PARD3: variants seen among roughly 807,000 people sequenced by gnomAD.
The protein encoded by PARD3 is par-3 family cell polarity regulator.
PARD3 carries 75 observed loss-of-function variants against 155.4 expected under a neutral mutation model. The observed-to-expected ratio is 0.48, with a 90% confidence interval of 0.40 to 0.58. The LOEUF (loss-of-function observed/expected upper bound fraction) is 0.58. PARD3 is among the 20% of genes least tolerant of loss of function. PARD3 has a pLI of 0.00. For synonymous variants in PARD3, 576 were observed against 610.5 expected (o/e 0.94, Z 0.83); for missense variants, 1,642 against 1,721.7 (o/e 0.95, Z 0.82).
intron 14 of PARD3, among the ~76,000 whole-genome samples, chr10:34,356,760 T>C (rs1438441375): frequency 3.7e-4 from 57 of 152,240 alleles, no homozygotes; most frequent in Non-Finnish European, 5.9e-5. Context: ...TCATGTCTTA[T>C]ACCTTACTGG....
At chr10:34,393,607 T>C (rs1298408587) in intron 7 of PARD3, among the ~76,000 whole-genome samples, 2 of 151,140 alleles carry the variant, frequency 1.3e-5, no homozygotes, top group Non-Finnish European at 2.9e-5. Flanking sequence ...AAGAAAACTT[T>C]AGGCCAGGTA....
chr10:34,416,363 T>C (rs987857913), intron 5 of PARD3, among the ~76,000 whole-genome samples: 4 of 152,084 alleles, frequency 2.6e-5, no homozygotes, highest in African/African-American at 9.7e-5. Context: ...CTCATTTCAG[T>C]GACACTTCAC....
At chr10:34,134,323 G>A (rs965891670) in intron 22 of PARD3, among the ~76,000 whole-genome samples, 1 of 152,078 alleles carries the variant, frequency 6.6e-6, no homozygotes, top group African/African-American at 2.4e-5. Flanking sequence ...TTTTATGGGA[G>A]GATTATAGGA....
chr10:34,420,665 T>C (rs889448433), intron 5 of PARD3, among the ~76,000 whole-genome samples: 2 of 152,208 alleles, frequency 1.3e-5, no homozygotes, highest in African/African-American at 4.8e-5. Context: ...TACATGTACA[T>C]GTACAATAAT....
At chr10:34,575,612 T>C (rs2086816729) in intron 2 of PARD3, among the ~76,000 whole-genome samples, 1 of 152,158 alleles carries the variant, frequency 6.6e-6, no homozygotes, top group South Asian at 2.1e-4. Flanking sequence ...AATTGGGTAT[T>C]TGGCCGGGAG....
chr10:34,161,667 A>G (rs967974337), intron 22 of PARD3, among the ~76,000 whole-genome samples: 1 of 152,208 alleles, frequency 6.6e-6, no homozygotes, highest in African/African-American at 2.4e-5. Context: ...AAAAAAACAT[A>G]AAAGAACAAA....
At chr10:34,776,841 G>A (rs1031256747) in intron 1 of PARD3, among the ~76,000 whole-genome samples, 1 of 129,626 alleles carries the variant, frequency 7.7e-6, no homozygotes, top group Non-Finnish European at 1.6e-5. Context: ...TTTGTGGGGG[G>A]GGGGGGCGGG....
At chr10:34,196,208 T>C (rs957645791) in intron 22 of PARD3, among the ~76,000 whole-genome samples, 1 of 152,234 alleles carries the variant, frequency 6.6e-6, no homozygotes, top group Non-Finnish European at 1.5e-5. Context: ...TCTGTATTCC[T>C]GTGCTCTGCA....
intron 3 of PARD3, among the ~76,000 whole-genome samples, chr10:34,499,611 A>G (rs181469362): frequency 6.6e-6 from 1 of 152,258 alleles, no homozygotes; most frequent in East Asian, 1.9e-4. Context: ...TTAAACATGG[A>G]TCTGTTGAAA....
intron 22 of PARD3, among the ~76,000 whole-genome samples, chr10:34,252,726 C>T (rs2582853): frequency 0.12 from 17,834 of 151,110 alleles, 2,868 homozygotes; most frequent in African/African-American, 0.37. Context: ...ATATATATAA[C>T]TTTATATATA....
chr10:34,434,665 A>T (rs952854681), intron 5 of PARD3, among the ~76,000 whole-genome samples: 3 of 152,162 alleles, frequency 2.0e-5, no homozygotes, highest in Admixed American at 6.5e-5. Flanking sequence ...CCCAGGTGAG[A>T]GCTGTTGACA....
intron 1 of PARD3, among the ~76,000 whole-genome samples, chr10:34,709,798 C>A (rs2094424399): frequency 6.6e-6 from 1 of 152,162 alleles, no homozygotes. Context: ...CCCACCAAAC[C>A]TCCCACTGGC....
intron 3 of PARD3, among the ~76,000 whole-genome samples, chr10:34,491,907 GA>G (rs908727443): frequency 5.5e-4 from 84 of 151,724 alleles, no homozygotes; most frequent in South Asian, 3.3e-3. Flanking sequence ...CCACTGGGGG[GA>G]AAAAAAATGA....
intron 15 of PARD3, chr10:34,344,546 T>C (rs1229833088): frequency 1.0e-6 from 1 of 966,220 alleles, no homozygotes; most frequent in Non-Finnish European, 1.2e-6. Flanking sequence ...CCTCCCAAAG[T>C]GCTGGGATTA....
At chr10:34,729,360 G>A (rs1378432952) in intron 1 of PARD3, among the ~76,000 whole-genome samples, 16 of 151,580 alleles carry the variant, frequency 1.1e-4, no homozygotes, top group African/African-American at 2.9e-4. Context: ...GTGAAACCCC[G>A]TCTCTACTAA....
rs191637206 is a variant in PARD3, at chr10:34,608,858, T to C, written c.222+87460A>G. ...CTACAAATTTTTAAAACTAACAGGG[T>C]ATAGCAACAATTTACATAGCATTTA... is the stretch of plus-strand genomic sequence containing the variant. On this transcript the variant is annotated intron_variant, in intron 2 of 24. Coordinates refer to ENST00000374788, the MANE Select transcript of PARD3 (RefSeq NM_001184785.2). 2.3e-3 allele frequency among the ~76,000 whole-genome samples: 344 copies of C among 152,152 alleles called. 4 individuals are homozygous for C. Among genetic ancestry groups the C allele is most frequent in the Admixed American group, 0.019 (286 of 15,266 alleles).
At chr10:34,379,649 G>A (rs1841622926) in intron 9 of PARD3, among the ~76,000 whole-genome samples, 1 of 152,042 alleles carries the variant, frequency 6.6e-6, no homozygotes, top group African/African-American at 2.4e-5. Context: ...AAATCTGTAA[G>A]CTAAAAGTTC....
intron 3 of PARD3, 108 bp downstream of exon 3, chr10:34,516,871 G>T (rs1368086112): frequency 2.7e-6 from 3 of 1,111,728 alleles, no homozygotes; most frequent in Admixed American, 4.8e-5. Flanking sequence ...CTTAATTTTT[G>T]AATAAAACAG....
Position 34,301,585 on chromosome 10 carries a change from G to A in PARD3, c.3065+15522C>T, listed in dbSNP as rs1957147313. Among the ~76,000 whole-genome samples, 3 of 152,060 alleles carry A rather than the reference G, an allele frequency of 2.0e-5. 1 individual carries two copies. In the South Asian group the frequency reaches 6.2e-4, roughly 32 times the overall value. On this transcript the variant is annotated intron_variant, in intron 20 of 24. Transcript: ENST00000374788. The stretch of plus-strand genomic sequence containing the variant: ...TCTGTTCACTCACACTGCCATGGTT[G>A]CAAGCACCACCTGACATGTCTTTGA...
Sources: gnomAD v4.1 joint callset for allele counts (sites outside exome capture counted in the v4.1 genomes callset) on GRCh38, gnomAD v4.1.1 for gene constraint, MANE v1.5 for transcripts, NCBI Gene and HGNC (gene_info 2026-07-23, HGNC 2026-07-21) for gene names.